ERBB4: variants seen among roughly 807,000 people sequenced by gnomAD.
The protein encoded by ERBB4 is erb-b2 receptor tyrosine kinase 4.
A neutral mutation model predicts 158.0 loss-of-function variants in ERBB4; 42 were observed. The ratio of observed to expected loss-of-function variants is 0.27; its 90% CI spans 0.21 to 0.34. The LOEUF is 0.34. Among genes scored for constraint, ERBB4 ranks in the 10% least tolerant of loss-of-function variants. ERBB4 has a pLI of 1.00. For missense variants in ERBB4, 1,333 were observed against 1,624.1 expected (o/e 0.82, Z 3.08); for synonymous variants, 583 against 558.7 (o/e 1.04, Z -0.61).
At chr2:212,242,193 T>C (rs2084133193) in intron 1 of ERBB4, among the ~76,000 whole-genome samples, 1 of 151,916 alleles carries the variant, frequency 6.6e-6, no homozygotes, top group Non-Finnish European at 1.5e-5. Context: ...TTTTTTCCAA[T>C]TATATTAAGG....
At chr2:212,423,171 G>A (rs770838951) in intron 1 of ERBB4, among the ~76,000 whole-genome samples, 10 of 151,518 alleles carry the variant, frequency 6.6e-5, no homozygotes, top group African/African-American at 2.2e-4. Flanking sequence ...GTAAGTGAAG[G>A]GGGCAAAAAA....
intron 2 of ERBB4, among the ~76,000 whole-genome samples, chr2:212,044,934 G>A (rs1415839014): frequency 1.3e-5 from 2 of 151,798 alleles, no homozygotes; most frequent in East Asian, 3.9e-4. Flanking sequence ...TCAGGGTCTG[G>A]CAGCAATAGG....
intron 4 of ERBB4, among the ~76,000 whole-genome samples, chr2:211,771,984 A>G (rs1559503394): frequency 6.6e-6 from 1 of 152,214 alleles, no homozygotes; most frequent in Non-Finnish European, 1.5e-5. Flanking sequence ...ATATTAAACT[A>G]TATAAACCCA....
At position 212,070,553 on chromosome 2, in the gene ERBB4, T is replaced by C. The variant is rs899491933; in HGVS notation, c.234+54199A>G. On this transcript the variant is annotated intron_variant, in intron 2 of 27. Coordinates refer to ENST00000342788, the MANE Select transcript of ERBB4 (RefSeq NM_005235.3). ...AAACCCATAATTGATATTTGGTCAATTGACTTTTGGCCAGGGAATCAAGAC... is the reference window on the plus strand; with the variant it reads ...AAACCCATAATTGATATTTGGTCAACTGACTTTTGGCCAGGGAATCAAGAC... 3.3e-5 allele frequency among the ~76,000 whole-genome samples: 5 copies of C among 152,046 alleles called. No individual in the cohort carries two copies. In the East Asian group the frequency reaches 5.8e-4, roughly 18 times the overall value.
chr2:211,768,871 G>C (rs761313938), intron 4 of ERBB4, among the ~76,000 whole-genome samples: 1 of 152,122 alleles, frequency 6.6e-6, no homozygotes, highest in Non-Finnish European at 1.5e-5. Context: ...CCTTACTTAT[G>C]CCAATTTTTG....
chr2:212,463,670 A>G (rs186892390), intron 1 of ERBB4, among the ~76,000 whole-genome samples: 107 of 152,188 alleles, frequency 7.0e-4, no homozygotes, highest in African/African-American at 2.5e-3. Context: ...TACGTGGTAA[A>G]ATGATACGTT....
At chr2:212,447,654 C>T (rs1560351031) in intron 1 of ERBB4, among the ~76,000 whole-genome samples, 1 of 152,072 alleles carries the variant, frequency 6.6e-6, no homozygotes, top group Non-Finnish European at 1.5e-5. Flanking sequence ...TTAAGAATTA[C>T]AGAAATTTTA....
At position 212,274,748 on chromosome 2, in the gene ERBB4, T is replaced by C. The variant is rs370746804; in HGVS notation, c.83-149845A>G. Among the ~76,000 whole-genome samples, 11 of 151,950 alleles carry C rather than the reference T, an allele frequency of 7.2e-5. 1 individual carries two copies. The East Asian group carries it at 1.9e-3, about 27-fold the overall frequency. ...ATAAACTAGTATCTACAATATTTTA[T>C]GTATCTATGACATACTTAACTTTTT... On this transcript the variant is annotated intron_variant, in intron 1 of 27. Coordinates refer to ENST00000342788, the MANE Select transcript of ERBB4 (RefSeq NM_005235.3).
intron 12 of ERBB4, among the ~76,000 whole-genome samples, chr2:211,691,850 C>G (rs1222078776): frequency 6.6e-6 from 1 of 151,878 alleles, no homozygotes; most frequent in African/African-American, 2.4e-5. Context: ...AAAGTGGTAC[C>G]CTGTAAACTG....
intron 2 of ERBB4, among the ~76,000 whole-genome samples, chr2:212,032,793 T>C (rs534665881): frequency 2.6e-4 from 40 of 151,936 alleles, no homozygotes; most frequent in Middle Eastern, 3.2e-3. Flanking sequence ...AGGACATAGA[T>C]GGGCTAGAGA....
chr2:212,065,453 A>T (rs1398801441), intron 2 of ERBB4, among the ~76,000 whole-genome samples: 1 of 152,046 alleles, frequency 6.6e-6, no homozygotes, highest in Non-Finnish European at 1.5e-5. Flanking sequence ...AGTATTTATA[A>T]TAGCTAACAT....
rs199740793 is a variant in ERBB4, at chr2:211,897,440, C to CAAA, written c.421+49987_421+49989dup. On this transcript the variant is annotated intron_variant, in intron 3 of 27. Transcript: ENST00000342788. ...CTGTAAGATCACAAAGTATAATTTG[C>CAAA]AAAAAAAAAAAAAAAATCTGCCTGA... Among the ~76,000 whole-genome samples, 663 of 101,142 alleles carry CAAA rather than the reference C, an allele frequency of 6.6e-3. 7 individuals are homozygous for CAAA. Among genetic ancestry groups the CAAA allele is most frequent in the African/African-American group, 0.022 (636 of 29,008 alleles). 66.4% of individuals were successfully genotyped at this position (101,142 alleles called of 152,430 possible).
At chr2:212,454,187 C>A (rs1813050) in intron 1 of ERBB4, among the ~76,000 whole-genome samples, 23,338 of 152,064 alleles carry the variant, frequency 0.15, 1,959 homozygotes, top group African/African-American at 0.19. Context: ...GGTCTACCCG[C>A]CTCGGCCTCC....
chr2:212,303,445 T>C (rs1036766262), intron 1 of ERBB4, among the ~76,000 whole-genome samples: 2 of 139,504 alleles, frequency 1.4e-5, no homozygotes, highest in Admixed American at 1.5e-4. Context: ...GGAACTTTGT[T>C]CTACTGATAT....
chr2:211,673,531 G>T (rs1173590616), intron 13 of ERBB4, among the ~76,000 whole-genome samples: 2 of 37,614 alleles, frequency 5.3e-5, no homozygotes, highest in African/African-American at 1.1e-4. Context: ...AAAAAAAAAA[G>T]CTACAAAGTA....
At chr2:211,563,023 G>A (rs950987794) in intron 19 of ERBB4, among the ~76,000 whole-genome samples, 5 of 151,892 alleles carry the variant, frequency 3.3e-5, no homozygotes, top group South Asian at 2.1e-4. Context: ...CGCCCGCCTC[G>A]GCCTCCCAAA....
chr2:212,093,913 C>T (rs569098668), intron 2 of ERBB4, among the ~76,000 whole-genome samples: 237 of 152,162 alleles, frequency 1.6e-3, no homozygotes, highest in African/African-American at 5.6e-3. Context: ...TGTAAGTTAT[C>T]ACGCTGTTAC....
intron 1 of ERBB4, among the ~76,000 whole-genome samples, chr2:212,177,040 C>T (rs10180270): frequency 0.014 from 2,127 of 151,106 alleles, 43 homozygotes; most frequent in African/African-American, 0.048. Context: ...GCAACATCTT[C>T]AAAAAAAATT....
intron 3 of ERBB4, among the ~76,000 whole-genome samples, chr2:211,793,129 T>C (rs2076312426): frequency 6.6e-6 from 1 of 151,904 alleles, no homozygotes; most frequent in Non-Finnish European, 1.5e-5. Context: ...TGTAACCATT[T>C]TGTGAATAAG....
Sources: gnomAD v4.1 joint callset for allele counts (sites outside exome capture counted in the v4.1 genomes callset) on GRCh38, gnomAD v4.1.1 for gene constraint, MANE v1.5 for transcripts, NCBI Gene and HGNC (gene_info 2026-07-23, HGNC 2026-07-21) for gene names.